The following HK1 variants were observed in gnomAD, a reference collection of about 807,000 sequenced individuals.
HK1 encodes the protein hexokinase 1.
Under a neutral mutation model 91.6 loss-of-function variants are expected in HK1, and 28 were observed. That is an observed-to-expected ratio of 0.31 (90% CI 0.23 to 0.42). The LOEUF is 0.42. HK1 is among the 10% of genes least tolerant of loss of function. The pLI, the probability that HK1 is intolerant of heterozygous loss-of-function variation, is 1.00. For synonymous variants in HK1, 430 were observed against 468.1 expected (o/e 0.92, Z 1.05); for missense variants, 770 against 1,219.8 (o/e 0.63, Z 5.49).
intron 2 of HK1, 87 bp downstream of exon 2, chr10:69,344,076 C>T (rs1848429520): frequency 1.5e-6 from 2 of 1,300,016 alleles, no homozygotes; most frequent in Admixed American, 3.4e-5. Context: ...TACATTTGCT[C>T]ATTCATTCAT....
chr10:69,300,965 C>T (rs1042658078), intron 5 of HK1: 38 of 687,126 alleles, frequency 5.5e-5, no homozygotes, highest in African/African-American at 3.2e-4. Context: ...TCAATTGTAG[C>T]CAGGCACGGT....
intron 8 of HK1, among the ~76,000 whole-genome samples, chr10:69,378,158 G>A (rs939967319): frequency 6.6e-6 from 1 of 152,134 alleles, no homozygotes; most frequent in Non-Finnish European, 1.5e-5. Context: ...GAAGGGGAGC[G>A]GGAGACTCGT....
intron 1 of HK1, among the ~76,000 whole-genome samples, chr10:69,321,021 A>G (rs1846991810): frequency 1.3e-5 from 2 of 152,058 alleles, no homozygotes; most frequent in African/African-American, 4.8e-5. Flanking sequence ...TTCCCCGAGA[A>G]CCTTGCTGGA....
chr10:69,346,226 C>T (rs1848552390), intron 2 of HK1, among the ~76,000 whole-genome samples: 2 of 152,222 alleles, frequency 1.3e-5, no homozygotes, highest in Non-Finnish European at 2.9e-5. Flanking sequence ...ATGTTAATCA[C>T]TGCTTCAACT....
intron 16 of HK1, among the ~76,000 whole-genome samples, chr10:69,396,275 A>C (rs1216435047): frequency 6.6e-6 from 1 of 151,866 alleles, no homozygotes; most frequent in Non-Finnish European, 1.5e-5. Flanking sequence ...TGTCTCAAAA[A>C]AAAAAAAAAA....
At chr10:69,335,479 C>T (rs1030077693) in intron 1 of HK1, among the ~76,000 whole-genome samples, 3 of 152,156 alleles carry the variant, frequency 2.0e-5, no homozygotes, top group African/African-American at 4.8e-5. Flanking sequence ...CCTGTAGTAC[C>T]GCATCTCCCT....
chr10:69,304,706 G>C (rs1329568793), intron 5 of HK1, among the ~76,000 whole-genome samples: 1 of 152,222 alleles, frequency 6.6e-6, no homozygotes, highest in East Asian at 1.9e-4. Flanking sequence ...AAGCAAGATG[G>C]AGTTGGATAG....
intron 2 of HK1, among the ~76,000 whole-genome samples, chr10:69,346,822 G>A (rs1361923419): frequency 6.6e-6 from 1 of 152,068 alleles, no homozygotes; most frequent in African/African-American, 2.4e-5. Context: ...CTTAACATTG[G>A]TGATTTGGCT....
At chr10:69,318,806 C>T (rs958567998), upstream of HK1, 8 of 1,395,468 alleles carry the variant, frequency 5.7e-6, no homozygotes, top group African/African-American at 1.2e-4. Context: ...CGAGCTGTCG[C>T]CGCGCCCCGG....
intron 3 of HK1, among the ~76,000 whole-genome samples, chr10:69,292,955 C>T (rs1845365719): frequency 6.6e-6 from 1 of 152,152 alleles, no homozygotes; most frequent in African/African-American, 2.4e-5. Context: ...CCACCCTATC[C>T]CCTGCTAGTG....
At chr10:69,315,839 G>T (rs1846609185), upstream of HK1, 1 of 995,110 alleles carries the variant, frequency 1.0e-6, no homozygotes, top group South Asian at 1.3e-5. Context: ...CTGGGCATCA[G>T]GACTAGGCTG....
Position 69,300,885 on chromosome 10 carries a change from C to G in HK1, c.27+24C>G, listed in dbSNP as rs111724890. Reference sequence around the variant, plus strand: ...TTGTACGTAGAAAATCCTGGAATACCCACAAAAACCTATTAGAACTAATAA... The same window carrying G: ...TTGTACGTAGAAAATCCTGGAATACGCACAAAAACCTATTAGAACTAATAA... On this transcript the variant is annotated intron_variant, in intron 5 of 21. Coordinates refer to the HK1 transcript ENST00000360289. 6.7e-5 allele frequency: 76 copies of G among 1,132,282 alleles called. No homozygotes were observed. In the African/African-American group the frequency reaches 9.7e-4, roughly 15 times the overall value. 70.1% of individuals were successfully genotyped at this position (1,132,282 alleles called of 1,614,324 possible). A position where few individuals can be genotyped will look rare whatever the true frequency, so the allele number is the denominator to read the frequency against.
intron 2 of HK1, among the ~76,000 whole-genome samples, chr10:69,357,326 T>C (rs911107065): frequency 2.0e-5 from 3 of 152,206 alleles, no homozygotes; most frequent in Non-Finnish European, 2.9e-5. Context: ...TAAAATGTGT[T>C]ATATCTATAG....
chr10:69,370,649 G>T (rs143188764), intron 7 of HK1, among the ~76,000 whole-genome samples: 12 of 152,252 alleles, frequency 7.9e-5, no homozygotes, highest in African/African-American at 2.9e-4. Flanking sequence ...GGGGAGGTAG[G>T]GCAGACATGC....
intron 4 of HK1, among the ~76,000 whole-genome samples, chr10:69,366,840 T>C (rs1849728293): frequency 6.6e-6 from 1 of 152,186 alleles, no homozygotes; most frequent in South Asian, 2.1e-4. Flanking sequence ...GAGGTGGGCC[T>C]GGAATGAAGA....
chr10:69,354,700 T>C (rs541352026), intron 2 of HK1, among the ~76,000 whole-genome samples: 1 of 152,170 alleles, frequency 6.6e-6, no homozygotes, highest in Admixed American at 6.5e-5. Flanking sequence ...CTAATGAGCA[T>C]TTGCTGAGCT....
intron 13 of HK1, among the ~76,000 whole-genome samples, chr10:69,388,180 C>T (rs1839734406): frequency 6.6e-6 from 1 of 152,036 alleles, no homozygotes; most frequent in Non-Finnish European, 1.5e-5. Context: ...CACCTGTAGC[C>T]AAGGCAGGAG....
intron 4 of HK1, chr10:69,296,391 C>T (rs1482113508): frequency 6.5e-6 from 1 of 152,674 alleles, no homozygotes; most frequent in Non-Finnish European, 1.5e-5. Flanking sequence ...GTGGATTCAA[C>T]CTGGAGCCCC....
At chr10:69,345,760 C>T (rs1449114983) in intron 2 of HK1, among the ~76,000 whole-genome samples, 1 of 152,184 alleles carries the variant, frequency 6.6e-6, no homozygotes, top group African/African-American at 2.4e-5. Flanking sequence ...CAGGGGTGCT[C>T]TCCCTCTCCT....
Sources: gnomAD v4.1 joint callset for allele counts (sites outside exome capture counted in the v4.1 genomes callset) on GRCh38, gnomAD v4.1.1 for gene constraint, MANE v1.5 for transcripts, NCBI Gene and HGNC (gene_info 2026-07-23, HGNC 2026-07-21) for gene names.